Variants in MPDZ observed in about 807,000 individuals in gnomAD.
MPDZ encodes the protein multiple PDZ domain protein.
In MPDZ, 234 loss-of-function variants were observed where a neutral mutation model predicts 239.1. The ratio of observed to expected loss-of-function variants is 0.98; its 90% CI spans 0.88 to 1.09. The LOEUF (loss-of-function observed/expected upper bound fraction) is 1.09. Among genes scored for constraint, MPDZ ranks in the 50% least tolerant of loss-of-function variants. MPDZ has a pLI of 0.00. For missense variants in MPDZ, 3,175 were observed against 2,510.0 expected (o/e 1.26, Z -5.66); for synonymous variants, 1,048 against 881.3 (o/e 1.19, Z -3.35).
intron 3 of MPDZ, among the ~76,000 whole-genome samples, chr9:13,245,190 TGACAA>T (rs745855835): frequency 2.4e-4 from 37 of 151,980 alleles, no homozygotes; most frequent in Admixed American, 5.9e-4. Flanking sequence ...AAATCTGACA[TGACAA>T]AACTCTAGAG....
chr9:13,137,699 G>A (rs1428879374), intron 29 of MPDZ, among the ~76,000 whole-genome samples: 1 of 152,126 alleles, frequency 6.6e-6, no homozygotes, highest in East Asian at 1.9e-4. Context: ...CTTTTGAAGT[G>A]TAAGCTTTAT....
At chr9:13,184,924 AGT>A (rs1953886577) in intron 18 of MPDZ, among the ~76,000 whole-genome samples, 3 of 152,024 alleles carry the variant, frequency 2.0e-5, no homozygotes, top group African/African-American at 4.8e-5. Flanking sequence ...CTCACATAAA[AGT>A]GGAACTAATC....
chr9:13,136,326 T>TTTTTG, intron 30 of MPDZ, 144 bp from the exon 31 acceptor site: 1 of 141,664 alleles, frequency 7.1e-6, no homozygotes, highest in Admixed American at 1.1e-4. Context: ...AAACGTTTTC[T>TTTTTG]TTTTTTTTTT....
At chr9:13,188,463 A>G (rs1444352972) in intron 17 of MPDZ, among the ~76,000 whole-genome samples, 1 of 152,100 alleles carries the variant, frequency 6.6e-6, no homozygotes, top group Non-Finnish European at 1.5e-5. Context: ...GACTGCAATG[A>G]ACCGAGATTT....
rs1289135760 is a variant in MPDZ at position 13,188,807 on chromosome 9, T to A, written c.2341A>T (p.Ile781Leu). The change falls in exon 17 of 47, where the codon ATA (isoleucine) becomes TTA (leucine). Residue 781 changes from isoleucine to leucine, a missense_variant. By Grantham distance (5) the Ile-to-Leu change is conservative. Transcript: ENST00000319217. The part of the protein sequence containing the change: ...LKGAPSGTVR[I>L]GVAKPLPLSP... ...ACGGGTAAAGGCTTAGCAACTCCTA[T>A]TCTCACAGTCCCTGACGGTGCTCCC... is the stretch of plus-strand genomic sequence containing the variant. 1.9e-6 allele frequency: 3 copies of A among 1,613,214 alleles called. No homozygotes were observed. In the African/African-American group the frequency reaches 4.0e-5, roughly 22 times the overall value.
At chr9:13,112,202 T>A in intron 42 of MPDZ, 56 bp from the exon 43 acceptor site, 1 of 1,522,762 alleles carries the variant, frequency 6.6e-7, no homozygotes, top group Non-Finnish European at 8.9e-7. Context: ...ATTGACCTTT[T>A]GTTTATTCTT....
In MPDZ at chr9:13,202,237, T is replaced by C. The variant is rs532269534; in HGVS notation, c.1546+2799A>G. Among the ~76,000 whole-genome samples, 551 of 152,314 alleles carry C rather than the reference T, an allele frequency of 3.6e-3. 2 individuals carry two copies. Among genetic ancestry groups the C allele is most frequent in the Non-Finnish European group, 5.6e-3 (380 of 68,020 alleles). On this transcript the variant is annotated intron_variant, in intron 12 of 46. Transcript: ENST00000319217. ...GAACTAACTCCTTGACTTGCTATTA[T>C]TTCCTCTAGGGTAGGCTTACAGTGA...
chr9:13,194,497 G>A (rs918291138), intron 13 of MPDZ, among the ~76,000 whole-genome samples: 3 of 152,076 alleles, frequency 2.0e-5, no homozygotes, highest in African/African-American at 7.2e-5. Context: ...GTTGAACAAT[G>A]AGAATACAAG....
At chr9:13,177,568 A>C (rs1278501477) in intron 19 of MPDZ, among the ~76,000 whole-genome samples, 1 of 152,154 alleles carries the variant, frequency 6.6e-6, no homozygotes, top group Non-Finnish European at 1.5e-5. Flanking sequence ...GTATCTTTTC[A>C]TCTTGATGTG....
chr9:13,271,598 G>A (rs1012896533), intron 1 of MPDZ, among the ~76,000 whole-genome samples: 1 of 152,126 alleles, frequency 6.6e-6, no homozygotes, highest in African/African-American at 2.4e-5. Context: ...TAGCCCCCAT[G>A]AATATGAAAT....
intron 3 of MPDZ, among the ~76,000 whole-genome samples, chr9:13,236,218 T>TGTGTTG (rs1445015957): frequency 1.2e-4 from 13 of 106,886 alleles, no homozygotes; most frequent in Non-Finnish European, 2.3e-4. Flanking sequence ...TGTGTGTGTG[T>TGTGTTG]GTGTGTGTAT....
intron 17 of MPDZ, among the ~76,000 whole-genome samples, chr9:13,186,679 T>C (rs1220641836): frequency 6.6e-6 from 1 of 151,932 alleles, no homozygotes; most frequent in Non-Finnish European, 1.5e-5. Context: ...TTTTTTTAAA[T>C]GAATTTTTTT....
intron 1 of MPDZ, among the ~76,000 whole-genome samples, chr9:13,274,228 A>G (rs1269126477): frequency 6.6e-6 from 1 of 150,814 alleles, no homozygotes; most frequent in Non-Finnish European, 1.5e-5. Context: ...ATTTTAAAAC[A>G]TAAGCAACAA....
At position 13,143,514 on chromosome 9, in the gene MPDZ, G is replaced by C. The variant is rs1045779702; in HGVS notation, c.3792C>G (p.Phe1264Leu). The change falls in exon 27 of 47, where the codon TTC (phenylalanine) becomes TTG (leucine). Residue 1264 changes from phenylalanine (F) to leucine (L), a missense_variant. Transcript: ENST00000319217. ...AGTCAGCAAATGGGTTAGTGCTGCT[G>C]AAGTTGTACTTAGGGTAAAGGTTGT... ...LLHNLYPKYN[F>L]SSTNPFADSL... 6.2e-7 allele frequency: 1 copy of C among 1,613,016 alleles called. No homozygotes were observed. The highest frequency in any genetic ancestry group is 1.3e-5 in the African/African-American group (1 of 74,868).
At chr9:13,131,735 C>A (rs1023284622) in intron 32 of MPDZ, among the ~76,000 whole-genome samples, 1 of 152,134 alleles carries the variant, frequency 6.6e-6, no homozygotes, top group African/African-American at 2.4e-5. Flanking sequence ...TGTCTTGTGG[C>A]CACCAGCAGC....
At chr9:13,172,584 G>A (rs927003795) in intron 21 of MPDZ, among the ~76,000 whole-genome samples, 33 of 151,926 alleles carry the variant, frequency 2.2e-4, no homozygotes, top group East Asian at 1.9e-4. Context: ...ACGGGGTTTC[G>A]CCATGTTGGG....
chr9:13,232,571 G>T (rs765631966), intron 3 of MPDZ, among the ~76,000 whole-genome samples: 2 of 151,502 alleles, frequency 1.3e-5, no homozygotes, highest in African/African-American at 2.4e-5. Flanking sequence ...TAAAGCTTCT[G>T]AGAGAAAATC....
At chr9:13,114,176 T>G (rs976589140) in intron 40 of MPDZ, among the ~76,000 whole-genome samples, 155 bp from the exon 41 acceptor site, 1 of 152,082 alleles carries the variant, frequency 6.6e-6, no homozygotes, top group Non-Finnish European at 1.5e-5. Flanking sequence ...CCTACTGATT[T>G]TTTTTCTTTT....
chr9:13,182,678 C>T (rs530285348), intron 19 of MPDZ, among the ~76,000 whole-genome samples: 3 of 152,106 alleles, frequency 2.0e-5, no homozygotes, highest in African/African-American at 7.2e-5. Context: ...AAAAAACATT[C>T]ATTCTCATTA....
Sources: gnomAD v4.1 joint callset for allele counts (sites outside exome capture counted in the v4.1 genomes callset) on GRCh38, gnomAD v4.1.1 for gene constraint, MANE v1.5 for transcripts, NCBI Gene and HGNC (gene_info 2026-07-23, HGNC 2026-07-21) for gene names.